ZNF787: variants seen among roughly 807,000 people sequenced by gnomAD.
ZNF787 encodes the protein TTF-I-interacting peptide 20.
Under a neutral mutation model 16.9 loss-of-function variants are expected in ZNF787, and 7 were observed. The ratio of observed to expected loss-of-function variants is 0.42; its 90% CI spans 0.24 to 0.78. ZNF787 has a LOEUF of 0.78. ZNF787 is among the 30% of genes least tolerant of loss of function. The pLI, the probability that ZNF787 is intolerant of heterozygous loss-of-function variation, is 0.30. For missense variants in ZNF787, 551 were observed against 589.3 expected (o/e 0.94, Z 0.67); for synonymous variants, 345 against 270.9 (o/e 1.27, Z -2.69).
chr19:56,088,543 G>A lies in ZNF787; in HGVS notation c.629C>T (p.Ala210Val). ...HPELSGPGVA[A>V]KVLAASVRRA... ...CCGGACGCTAGCCGCCAGCACCTTG[G>A]CCGCCACGCCAGGCCCCGACAGCTC... Residue 210 changes from alanine to valine, a missense_variant, in exon 3 of 3, where the codon GCC becomes GTC. Physicochemically the swap from Ala to Val is moderately conservative, Grantham distance 64. Around this residue, in one of 4 missense-constraint regions of ZNF787, gnomAD observed 392 missense variants for 312.7 expected, o/e 1.25. Transcript: ENST00000610935. This position sits in a 1 kb window ranked among gnomAD's most constrained non-coding sequence, Gnocchi z 8.6. 6.9e-7 allele frequency: 1 copy of A among 1,458,728 alleles called. No homozygotes were observed. The highest frequency in any genetic ancestry group is 2.7e-5 in the Admixed American group (1 of 37,222). The allele number at this position is 1,458,728 out of a possible 1,614,324, so 90.4% of individuals were successfully genotyped here. A position where few individuals can be genotyped will look rare whatever the true frequency, so the allele number is the denominator to read the frequency against.
In ZNF787 at chr19:56,088,387, G is replaced by A. The variant is rs1985426365; in HGVS notation, c.785C>T (p.Ala262Val). 3.7e-6 allele frequency: 4 copies of A among 1,086,446 alleles called. No individual in the cohort carries two copies. Among genetic ancestry groups the A allele is most frequent in the East Asian group, 1.1e-4 (2 of 18,050 alleles). 67.3% of individuals were successfully genotyped at this position (1,086,446 alleles called of 1,614,324 possible). Residue 262 changes from alanine (A) to valine (V), a missense_variant, in exon 3 of 3, where the codon GCG becomes GTG. Around this residue, in one of 4 missense-constraint regions of ZNF787, gnomAD observed 392 missense variants for 312.7 expected, o/e 1.25. Transcript: ENST00000610935. The surrounding 1 kb of genome is among the most constrained non-coding windows in gnomAD (Gnocchi z 8.6). Reference protein sequence around the residue: ...GAAAAAAMAGAGAKAAGPRSR... With the variant: ...GAAAAAAMAGVGAKAAGPRSR... ...CCGGGGCCCCGCGGCCTTTGCCCCCGCGCCCGCCATGGCTGCCGCGGCCGC... is the reference window on the plus strand; with the variant it reads ...CCGGGGCCCCGCGGCCTTTGCCCCCACGCCCGCCATGGCTGCCGCGGCCGC...
chr19:56,114,500 T>G (rs113409145), intron 1 of ZNF787, among the ~76,000 whole-genome samples: 233 of 67,218 alleles, frequency 3.5e-3, no homozygotes, highest in South Asian at 0.012. Flanking sequence ...GCCGGGCTCA[T>G]TCCTCCACCT....
At position 56,089,174 on chromosome 19, in the gene ZNF787, G is replaced by C. The variant is rs557945142; in HGVS notation, c.80-82C>G. On this transcript the variant is annotated intron_variant, in intron 2 of 2. Transcript: ENST00000610935. Reference sequence around the variant, plus strand: ...GCCTTGGCTGCTACGCTGGCCTCGGGTGCCTCGCTCCCCCTGGCGCAGGAC... The same window carrying C: ...GCCTTGGCTGCTACGCTGGCCTCGGCTGCCTCGCTCCCCCTGGCGCAGGAC... 1.0e-4 allele frequency: 109 copies of C among 1,088,450 alleles called. No individual in the cohort carries two copies. The African/African-American group carries it at 1.4e-3, about 14-fold the overall frequency. 67.4% of individuals were successfully genotyped at this position (1,088,450 alleles called of 1,614,324 possible).
chr19:56,093,081 G>A (rs1018572215), intron 2 of ZNF787, among the ~76,000 whole-genome samples: 5 of 150,898 alleles, frequency 3.3e-5, no homozygotes, highest in Non-Finnish European at 5.9e-5. Flanking sequence ...ACGGGGTAGC[G>A]GAAGTGGAAT....
intron 2 of ZNF787, among the ~76,000 whole-genome samples, chr19:56,092,000 G>GGAAGCCAAAGCCGAAACC (rs1555775540): frequency 3.5e-5 from 5 of 144,022 alleles, no homozygotes; most frequent in Admixed American, 6.9e-5. Context: ...GAAGCCAAAC[G>GGAAGCCAAAGCCGAAACC]GAAGCCAAAG....
At chr19:56,092,581 A>G (rs1196511519) in intron 2 of ZNF787, among the ~76,000 whole-genome samples, 4 of 151,322 alleles carry the variant, frequency 2.6e-5, no homozygotes, top group Non-Finnish European at 5.9e-5. Flanking sequence ...CTTCCCATAG[A>G]AATTCAGGAC....
At chr19:56,119,919 C>T (rs538717456) in intron 1 of ZNF787, among the ~76,000 whole-genome samples, 1 of 152,330 alleles carries the variant, frequency 6.6e-6, no homozygotes, top group Admixed American at 6.5e-5. Flanking sequence ...TGGGGTCAAT[C>T]GGATCCCCAG....
Position 56,111,130 on chromosome 19 carries a change from G to A in ZNF787, c.-10-7903C>T, listed in dbSNP as rs1388942380. On this transcript the variant is annotated intron_variant, in intron 1 of 2. Transcript: ENST00000610935. Reference sequence around the variant, plus strand: ...TAAAATGTTTACTATGTGGCCCACTGCAGAGAGTCTGCTGACCCTGATGTA... The same window carrying A: ...TAAAATGTTTACTATGTGGCCCACTACAGAGAGTCTGCTGACCCTGATGTA... 4.6e-5 allele frequency among the ~76,000 whole-genome samples: 7 copies of A among 152,220 alleles called. No individual in the cohort carries two copies. In the East Asian group the frequency reaches 7.7e-4, roughly 17 times the overall value.
chr19:56,116,802 C>G (rs925356909), intron 1 of ZNF787, among the ~76,000 whole-genome samples: 1 of 152,134 alleles, frequency 6.6e-6, no homozygotes, highest in African/African-American at 2.4e-5. Context: ...CCATCTGCCA[C>G]GGCTCAGCAT....
In ZNF787 at chr19:56,092,042, C is replaced by G. The variant is rs56973735; in HGVS notation, c.80-2950G>C. 9.3e-3 allele frequency among the ~76,000 whole-genome samples: 1,391 copies of G among 149,082 alleles called. 26 individuals are homozygous for G. The highest frequency in any genetic ancestry group is 0.033 in the African/African-American group (1,338 of 40,818). The stretch of plus-strand genomic sequence containing the variant: ...CCGAAGCCGAAGCCGAAGCCGAAGC[C>G]GAAGCCTCACCCTCACCCTCACCCT... On this transcript the variant is annotated intron_variant, in intron 2 of 2. Transcript: ENST00000610935.
chr19:56,096,213 G>A (rs577007134), intron 2 of ZNF787, among the ~76,000 whole-genome samples: 1 of 114,990 alleles, frequency 8.7e-6, no homozygotes, highest in Non-Finnish European at 2.1e-5. Context: ...GGGAAACATA[G>A]TGAGACCCCG....
At chr19:56,107,354 A>C (rs1357005022) in intron 1 of ZNF787, among the ~76,000 whole-genome samples, 1 of 152,130 alleles carries the variant, frequency 6.6e-6, no homozygotes, top group African/African-American at 2.4e-5. Context: ...TTCAAATCCC[A>C]CGTGGGAACA....
Position 56,088,138 on chromosome 19 carries a change from G to C in ZNF787, c.1034C>G (p.Ser345Trp), listed in dbSNP as rs780933938. ...GCTCTGTCCGCAGCTGCTGCAGACC[G>C]AGGGCGCGCCCACCGCGTGGATCTT... ...HKKIHAVGAPSVCSSCGQSYY... is the reference protein window; with the variant it reads ...HKKIHAVGAPWVCSSCGQSYY... The change falls in exon 3 of 3, where the codon TCG becomes TGG. Residue 345 changes from serine to tryptophan, a missense_variant. Around this residue, in one of 4 missense-constraint regions of ZNF787, gnomAD observed 392 missense variants for 312.7 expected, o/e 1.25. Transcript: ENST00000610935. This position sits in a 1 kb window ranked among gnomAD's most constrained non-coding sequence, Gnocchi z 8.6. 1 of 1,552,620 alleles carries C rather than the reference G, an allele frequency of 6.4e-7. No homozygotes were observed. The highest frequency in any genetic ancestry group is 1.4e-5 in the African/African-American group (1 of 70,220).
Position 56,088,294 on chromosome 19 carries a change from GC to G in ZNF787, c.877del (p.Ala293ProfsTer221). The G allele has an allele frequency of 7.4e-7, 1 of 1,357,888 alleles. No homozygotes were observed. The highest frequency in any genetic ancestry group is 1.6e-5 in the South Asian group (1 of 63,598). 84.1% of individuals were successfully genotyped at this position (1,357,888 alleles called of 1,614,324 possible). A position where few individuals can be genotyped will look rare whatever the true frequency, so the allele number is the denominator to read the frequency against. ...LECGKGFGHGAGLLAHQRAQH... is the reference protein window; with the variant it reads ...LECGKGFGHGXGLLAHQRAQH... ...GGCCCGCTGGTGCGCCAGGAGCCCGGCCCCGTGCCCGAAGCCCTTCCCGCAC... is the reference window on the plus strand; with the variant it reads ...GGCCCGCTGGTGCGCCAGGAGCCCGGCCCGTGCCCGAAGCCCTTCCCGCAC... On this transcript the variant is annotated frameshift_variant, in exon 3 of 3. Transcript: ENST00000610935. LOFTEE classifies it high-confidence loss of function. The surrounding 1 kb of genome is among the most constrained non-coding windows in gnomAD (Gnocchi z 8.6).
chr19:56,114,467 G>A (rs1292533005), intron 1 of ZNF787, among the ~76,000 whole-genome samples: 5 of 148,790 alleles, frequency 3.4e-5, no homozygotes, highest in South Asian at 2.1e-4. Flanking sequence ...GCCCCGGCCA[G>A]GCCTGGTCTT....
rs1008954465 is a variant in ZNF787, at chr19:56,087,566, G to A, written c.*457C>T. ...TGGGGCGGGCGGGGAGTCAAAAGGTGGGCTGATTAAAAGAAAATTCTAAAA... is the reference window on the plus strand; with the variant it reads ...TGGGGCGGGCGGGGAGTCAAAAGGTAGGCTGATTAAAAGAAAATTCTAAAA... On this transcript the variant is annotated 3_prime_UTR_variant, in exon 3 of 3. Transcript: ENST00000610935. 6.5e-6 allele frequency: 1 copy of A among 153,106 alleles called. No individual in the cohort carries two copies. The highest frequency in any genetic ancestry group is 2.4e-5 in the African/African-American group (1 of 41,440). 9.5% of individuals were successfully genotyped at this position (153,106 alleles called of 1,614,324 possible). A position where few individuals can be genotyped will look rare whatever the true frequency, so the allele number is the denominator to read the frequency against.
chr19:56,099,475 C>T (rs1175547717), intron 2 of ZNF787, among the ~76,000 whole-genome samples: 1 of 152,138 alleles, frequency 6.6e-6, no homozygotes, highest in Non-Finnish European at 1.5e-5. Flanking sequence ...CACTGGGAGG[C>T]CGAGGCGGGC....
At chr19:56,106,652 G>A (rs376190302) in intron 1 of ZNF787, among the ~76,000 whole-genome samples, 2 of 151,836 alleles carry the variant, frequency 1.3e-5, no homozygotes, top group South Asian at 4.2e-4. Flanking sequence ...ACCCCACCTC[G>A]TTCCCCAACA....
At position 56,098,872 on chromosome 19, in the gene ZNF787, AC is replaced by A. The variant is rs1257499736; in HGVS notation, c.79+4266del. Among the ~76,000 whole-genome samples the A allele has an allele frequency of 1.8e-3, 266 of 148,286 alleles. 1 individual carries two copies. The highest frequency in any genetic ancestry group is 4.0e-3 in the Admixed American group (60 of 15,156). ...AGGGTGATATGGCCACCCGGGTGAT[AC>A]GGCCGCAGGGTGATGGAGCCTAGGT... On this transcript the variant is annotated intron_variant, in intron 2 of 2. Transcript: ENST00000610935.
Sources: gnomAD v4.1 joint callset for allele counts (sites outside exome capture counted in the v4.1 genomes callset) on GRCh38, gnomAD v4.1.1 for gene constraint, gnomAD v4.1.1 regional missense constraint, Gnocchi (gnomAD v3.1) non-coding constraint, MANE v1.5 for transcripts, NCBI Gene and HGNC (gene_info 2026-07-23, HGNC 2026-07-21) for gene names.